Variants in PLCZ1 observed in about 807,000 individuals in gnomAD.
PLCZ1 encodes 1-phosphatidylinositol 4,5-bisphosphate phosphodiesterase zeta-1.
Under a neutral mutation model 76.8 loss-of-function variants are expected in PLCZ1, and 64 were observed. That is an observed-to-expected ratio of 0.83 (90% CI 0.68 to 1.03). The LOEUF (loss-of-function observed/expected upper bound fraction) is 1.03. Among genes scored for constraint, PLCZ1 ranks in the 50% least tolerant of loss-of-function variants. PLCZ1 has a pLI of 0.00. For missense variants in PLCZ1, 751 were observed against 713.7 expected (o/e 1.05, Z -0.60); for synonymous variants, 248 against 230.8 (o/e 1.07, Z -0.68).
chr12:18,649,331 C>G, the PLCZ1 span, among the ~76,000 whole-genome samples: 2 of 151,910 alleles, frequency 1.3e-5, no homozygotes, highest in East Asian at 1.9e-4. Context: ...GAAGAACTAC[C>G]CATGCTCCTA....
At chr12:18,697,059 C>T (rs1320523677) in intron 10 of PLCZ1, among the ~76,000 whole-genome samples, 1 of 152,074 alleles carries the variant, frequency 6.6e-6, no homozygotes, top group Non-Finnish European at 1.5e-5. Context: ...TACCATTTGG[C>T]ACCTTCTTCA....
At chr12:18,685,376 T>C (rs192439185) in intron 13 of PLCZ1, 4 of 165,046 alleles carry the variant, frequency 2.4e-5, no homozygotes, top group Admixed American at 1.8e-4. Context: ...AGATTAAATA[T>C]AAATTCTGCT....
intron 7 of PLCZ1, among the ~76,000 whole-genome samples, chr12:18,702,103 G>A (rs1451750151): frequency 7.2e-5 from 11 of 151,746 alleles, no homozygotes; most frequent in Non-Finnish European, 4.4e-5. Flanking sequence ...CCATGATATT[G>A]CAATGAAAAT....
rs760597828 is a variant in PLCZ1, at chr12:18,705,303, G to T, written c.727C>A (p.Pro243Thr). ...TGATTTTCTAAAGAGAGCACCACTG[G>T]GTAGTCAGATGTCTAAAAAAGTAAC... ...HKYAFMTSDY[P>T]VVLSLENHCS... The change falls in exon 7 of 15, where the codon CCA becomes ACA. Residue 243 changes from proline (P) to threonine (T), a missense_variant. Pro to Thr is a conservative substitution (Grantham distance 38). Coordinates refer to ENST00000266505, the MANE Select transcript of PLCZ1 (RefSeq NM_033123.4). 3 of 1,613,884 alleles carry T rather than the reference G, an allele frequency of 1.9e-6. No individual in the cohort carries two copies. In the South Asian group the frequency reaches 3.3e-5, roughly 18 times the overall value.
chr12:18,707,297 A>C (rs1168708885), intron 6 of PLCZ1, among the ~76,000 whole-genome samples: 1 of 152,146 alleles, frequency 6.6e-6, no homozygotes, highest in Non-Finnish European at 1.5e-5. Flanking sequence ...CCACTGACTC[A>C]CTCTGATCCC....
rs1417608708 is a variant in PLCZ1, at chr12:18,704,876, AC to A, written c.864+289del. Among the ~76,000 whole-genome samples, 5 of 152,268 alleles carry A rather than the reference AC, an allele frequency of 3.3e-5. No individual in the cohort carries two copies. The East Asian group carries it at 9.6e-4, about 29-fold the overall frequency. On this transcript the variant is annotated intron_variant, in intron 7 of 14. Coordinates refer to ENST00000266505, the MANE Select transcript of PLCZ1 (RefSeq NM_033123.4). Reference sequence around the variant, plus strand: ...TCTAGGACTTTTGCCTGTAAAACATACTAAATTTCTGGTCCTTAATACTAAT... The same window carrying A: ...TCTAGGACTTTTGCCTGTAAAACATATAAATTTCTGGTCCTTAATACTAAT...
chr12:18,695,218 T>C (rs2137170280), intron 11 of PLCZ1, 139 bp from the exon 12 acceptor site: 2 of 878,636 alleles, frequency 2.3e-6, no homozygotes, highest in South Asian at 1.6e-5. Context: ...TAATAATTCA[T>C]GATTTTTAAA....
intron 4 of PLCZ1, 93 bp downstream of exon 4, chr12:18,723,218 T>TTA (rs1958548456): frequency 8.0e-6 from 9 of 1,126,904 alleles, no homozygotes; most frequent in Non-Finnish European, 8.9e-6. Context: ...TAACCACAAT[T>TTA]CATAAAAATA....
At chr12:18,671,410 C>G in the PLCZ1 span, among the ~76,000 whole-genome samples, 3 of 151,896 alleles carry the variant, frequency 2.0e-5, no homozygotes, top group Non-Finnish European at 2.9e-5. Context: ...AGCCTGGCCC[C>G]TTTGTGTAAT....
intron 6 of PLCZ1, among the ~76,000 whole-genome samples, chr12:18,707,233 A>T (rs891306055): frequency 1.3e-5 from 2 of 152,208 alleles, no homozygotes; most frequent in African/African-American, 4.8e-5. Context: ...AAAACTTAAT[A>T]TTTTTGGAAG....
intron 13 of PLCZ1, among the ~76,000 whole-genome samples, chr12:18,687,611 A>G (rs1185577034): frequency 6.6e-6 from 1 of 152,134 alleles, no homozygotes; most frequent in Non-Finnish European, 1.5e-5. Context: ...AAATGACTGA[A>G]TTATCCAAAA....
intron 10 of PLCZ1, among the ~76,000 whole-genome samples, chr12:18,698,970 C>T (rs1410729146): frequency 6.6e-6 from 1 of 152,162 alleles, no homozygotes; most frequent in Non-Finnish European, 1.5e-5. Flanking sequence ...GCAGAGTCAC[C>T]TGGCTCTTAA....
chr12:18,705,393 G>C (rs1956472879), intron 6 of PLCZ1, 78 bp from the exon 7 acceptor site: 1 of 1,534,770 alleles, frequency 6.5e-7, no homozygotes, highest in Non-Finnish European at 9.0e-7. Flanking sequence ...AGTGCTTAAT[G>C]TATTTTAAAA....
chr12:18,713,640 G>A (rs1957603248), intron 5 of PLCZ1: 1 of 152,302 alleles, frequency 6.6e-6, no homozygotes. Flanking sequence ...GTAAGCACTA[G>A]AGAAAATCAA....
At chr12:18,700,205 T>C (rs185082256) in intron 9 of PLCZ1, among the ~76,000 whole-genome samples, 70 of 152,142 alleles carry the variant, frequency 4.6e-4, no homozygotes, top group African/African-American at 1.6e-3. Context: ...TTACTATTTA[T>C]TTTTTTCCTA....
At chr12:18,699,990 T>A in intron 9 of PLCZ1, 40 bp from the exon 10 acceptor site, 4 of 1,567,400 alleles carry the variant, frequency 2.6e-6, no homozygotes, top group Non-Finnish European at 3.5e-6. Context: ...TTTATGCTAA[T>A]CATTGGGAAA....
At chr12:18,722,928 C>T (rs1263490928) in intron 4 of PLCZ1, among the ~76,000 whole-genome samples, 1 of 151,852 alleles carries the variant, frequency 6.6e-6, no homozygotes, top group East Asian at 1.9e-4. Flanking sequence ...TAATATAATG[C>T]ATTAAAATGG....
At chr12:18,710,899 G>A (rs1246667676) in intron 6 of PLCZ1, among the ~76,000 whole-genome samples, 1 of 152,112 alleles carries the variant, frequency 6.6e-6, no homozygotes, top group Non-Finnish European at 1.5e-5. Context: ...TGCTGGAGAG[G>A]ATGTGGAGAA....
chr12:18,730,344 G>GTGTATTGC (rs1958973945), intron 3 of PLCZ1, among the ~76,000 whole-genome samples: 1 of 152,014 alleles, frequency 6.6e-6, no homozygotes, highest in Non-Finnish European at 1.5e-5. Flanking sequence ...CTTCCCTAAG[G>GTGTATTGC]ATTCTACTTA....
Sources: allele counts gnomAD v4.1 joint callset (sites outside exome capture counted in the v4.1 genomes callset), GRCh38; gene constraint gnomAD v4.1.1; transcripts MANE v1.5; gene names NCBI Gene and HGNC (gene_info 2026-07-23, HGNC 2026-07-21).